Variants in RUFY4 observed in about 807,000 individuals in gnomAD.
RUFY4 encodes the protein RUN and FYVE domain-containing protein 4.
In RUFY4, 73 loss-of-function variants were observed where a neutral mutation model predicts 69.0. That is an observed-to-expected ratio of 1.06 (90% CI 0.88 to 1.29). RUFY4 has a LOEUF of 1.29. RUFY4 is among the 50% of genes most tolerant of loss of function. RUFY4 has a pLI of 0.00. For synonymous variants in RUFY4, 287 were observed against 271.8 expected (o/e 1.06, Z -0.55); for missense variants, 770 against 705.6 (o/e 1.09, Z -1.03).
At chr2:218,060,609 C>G (rs1559426441) in intron 3 of RUFY4, 3 of 1,347,610 alleles carry the variant, frequency 2.2e-6, no homozygotes, top group Non-Finnish European at 3.2e-6. Flanking sequence ...TGTCTGCCAG[C>G]AGGACCAGGT....
At chr2:218,075,484 G>A in exon 7 of RUFY4, 1 of 1,592,686 alleles carries the variant, frequency 6.3e-7, no homozygotes, top group South Asian at 1.1e-5. Flanking sequence ...ACAACAGAGG[G>A]GACTCACAAA....
intron 8 of RUFY4, among the ~76,000 whole-genome samples, chr2:218,078,048 C>T (rs1171143440): frequency 5.3e-5 from 8 of 152,204 alleles, no homozygotes; most frequent in Admixed American, 3.3e-4. Context: ...ACACCCTGTG[C>T]ACCCACTCTG....
At chr2:218,063,920 C>T (rs1574503412) in intron 3 of RUFY4, among the ~76,000 whole-genome samples, 2 of 152,144 alleles carry the variant, frequency 1.3e-5, no homozygotes, top group Admixed American at 6.5e-5. Flanking sequence ...AACAAAAGTC[C>T]TTTCTGACCC....
chr2:218,073,969 C>G (rs1320255723), intron 6 of RUFY4, 84 bp downstream of exon 8: 6 of 1,357,150 alleles, frequency 4.4e-6, no homozygotes, highest in Non-Finnish European at 6.3e-6. Context: ...GAGCTTCCCC[C>G]TCCGAGTGTA....
At chr2:218,090,451 G>A in exon 11 of RUFY4, 1 of 234,082 alleles carries the variant, frequency 4.3e-6, no homozygotes, top group South Asian at 6.6e-5. Flanking sequence ...GAGAAGTGAA[G>A]CCTGCACTAT....
Position 218,072,948 on chromosome 2 carries a change from G to C in RUFY4, c.386+63G>C. ...GAGCCACTTTCCCTCCTTTGTAAAA[G>C]AGCCCTCCTTTAACCCCCACAGATG... On this transcript the variant is annotated intron_variant, in intron 4 of 10. Coordinates refer to ENST00000344321, the Ensembl canonical transcript of RUFY4. The C allele has an allele frequency of 7.5e-7, 1 of 1,333,754 alleles. No homozygotes were observed. The highest frequency in any genetic ancestry group is 1.0e-6 in the Non-Finnish European group (1 of 991,936). 82.6% of individuals were successfully genotyped at this position (1,333,754 alleles called of 1,614,324 possible). A position where few individuals can be genotyped will look rare whatever the true frequency, so the allele number is the denominator to read the frequency against.
At chr2:218,081,351 A>G (rs1230721159) in intron 8 of RUFY4, among the ~76,000 whole-genome samples, 1 of 152,144 alleles carries the variant, frequency 6.6e-6, no homozygotes, top group East Asian at 1.9e-4. Context: ...GCCTGGCTCT[A>G]TATTGCTGAC....
intron 9 of RUFY4, among the ~76,000 whole-genome samples, chr2:218,088,535 G>A (rs1214884437): frequency 6.6e-6 from 1 of 151,940 alleles, no homozygotes; most frequent in Non-Finnish European, 1.5e-5. Flanking sequence ...ATAAATACAA[G>A]ACAGTTTGTA....
In RUFY4 at chr2:218,089,280, C is replaced by T; in HGVS notation, c.1531C>T (p.Gln511Ter). The T allele has an allele frequency of 6.2e-7, 1 of 1,613,870 alleles. No homozygotes were observed. Among genetic ancestry groups the T allele is most frequent in the Non-Finnish European group, 8.5e-7 (1 of 1,179,844 alleles). Residue 511 changes from glutamine (Q) to a stop codon, truncating the protein, a stop_gained, in exon 10 of 11, where the codon CAG (glutamine) becomes TAG (stop). Transcript: ENST00000344321. LOFTEE classifies it high-confidence loss of function. ...GAAGGACCGCCTGTGGCAGAGGCTC[C>T]AGCATCTCTCTTCCATGGCTCCCGA... is the stretch of plus-strand genomic sequence containing the variant.
Position 218,070,533 on chromosome 2 carries a change from G to A in RUFY4, c.-73G>A, listed in dbSNP as rs537359234. 2.7e-5 allele frequency: 34 copies of A among 1,274,616 alleles called. No homozygotes were observed. The Middle Eastern group carries it at 1.8e-3, about 68-fold the overall frequency. The allele number at this position is 1,274,616 out of a possible 1,614,324, so 79.0% of individuals were successfully genotyped here. On this transcript the variant is annotated 5_prime_UTR_variant, in exon 1 of 11. Coordinates refer to ENST00000344321, the Ensembl canonical transcript of RUFY4. ...TCCTGCTTTGTGTAAGGAGAGAGCTGGGCAGTGAGGCCGAAAGTCCTTCCT... is the reference window on the plus strand; with the variant it reads ...TCCTGCTTTGTGTAAGGAGAGAGCTAGGCAGTGAGGCCGAAAGTCCTTCCT...
At chr2:218,045,502 A>T (rs970569165) in intron 2 of RUFY4, among the ~76,000 whole-genome samples, 2 of 152,180 alleles carry the variant, frequency 1.3e-5, no homozygotes, top group Non-Finnish European at 2.9e-5. Flanking sequence ...AAGAAAAAAA[A>T]TTTCCCTAAA....
chr2:218,063,762 C>T (rs1284933906), intron 3 of RUFY4, among the ~76,000 whole-genome samples: 1 of 152,170 alleles, frequency 6.6e-6, no homozygotes, highest in African/African-American at 2.4e-5. Context: ...TTCCCCAAAA[C>T]TAGCAGGGAG....
intron 2 of RUFY4, among the ~76,000 whole-genome samples, chr2:218,048,150 A>C (rs1040023526): frequency 6.6e-6 from 1 of 152,056 alleles, no homozygotes. Flanking sequence ...TTTGGTCTAA[A>C]GTGGTATTTC....
intron 9 of RUFY4, 90 bp downstream of exon 11, chr2:218,083,346 A>C: frequency 6.8e-7 from 1 of 1,480,520 alleles, no homozygotes. Context: ...CTCCACTCAC[A>C]ACTCCCAAGC....
Position 218,047,664 on chromosome 2 carries a change from C to A in RUFY4, c.-1157-10931C>A, listed in dbSNP as rs758209704. ...TACCCTTAGTAGCCTTAATATCTAGCGAAAATTAGGATGTACGTGGTTTCA... is the reference window on the plus strand; with the variant it reads ...TACCCTTAGTAGCCTTAATATCTAGAGAAAATTAGGATGTACGTGGTTTCA... On this transcript the variant is annotated intron_variant and NMD_transcript_variant, in intron 2 of 13. Coordinates refer to the RUFY4 transcript ENST00000457754. 2.0e-5 allele frequency among the ~76,000 whole-genome samples: 3 copies of A among 152,044 alleles called. No individual in the cohort carries two copies. The East Asian group carries it at 5.8e-4, about 29-fold the overall frequency.
upstream of RUFY4, among the ~76,000 whole-genome samples, chr2:218,064,868 C>T (rs1574504060): frequency 6.6e-6 from 1 of 151,120 alleles, no homozygotes; most frequent in African/African-American, 2.4e-5. Context: ...CCCATCCTAT[C>T]CCCTAACCCC....
intron 2 of RUFY4, among the ~76,000 whole-genome samples, chr2:218,056,915 G>A (rs927178432): frequency 6.6e-6 from 1 of 151,996 alleles, no homozygotes; most frequent in Non-Finnish European, 1.5e-5. Context: ...GTGAAACCCC[G>A]TCTCTACTAA....
chr2:218,075,176 C>T (rs2106055627), exon 7 of RUFY4: 1 of 1,556,998 alleles, frequency 6.4e-7, no homozygotes, highest in East Asian at 2.4e-5. Flanking sequence ...AAGATGCACC[C>T]AGTGGACAGC....
chr2:218,035,606 G>A (rs374424771), intron 2 of RUFY4, among the ~76,000 whole-genome samples: 1 of 152,148 alleles, frequency 6.6e-6, no homozygotes, highest in African/African-American at 2.4e-5. Context: ...AGCCCGGGAG[G>A]CAGGACACCT....
Sources: allele counts gnomAD v4.1 joint callset (sites outside exome capture counted in the v4.1 genomes callset), GRCh38; gene constraint gnomAD v4.1.1; transcripts MANE v1.5; gene names NCBI Gene and HGNC (gene_info 2026-07-23, HGNC 2026-07-21).